DPP10: variants seen among roughly 807,000 people sequenced by gnomAD.
DPP10 encodes inactive dipeptidyl peptidase 10.
Under a neutral mutation model 120.9 loss-of-function variants are expected in DPP10, and 33 were observed. The ratio of observed to expected loss-of-function variants is 0.27; its 90% CI spans 0.21 to 0.37. DPP10 has a LOEUF of 0.37. DPP10 is among the 10% of genes least tolerant of loss of function. The probability of loss-of-function intolerance (pLI) is 1.00; values close to 1 mark genes in which losing one functional copy is unlikely to be tolerated. For missense variants in DPP10, 816 were observed against 942.8 expected, an observed-to-expected ratio of 0.87 and a Z score of 1.76; for synonymous variants, 337 against 326.1, an observed-to-expected ratio of 1.03 and a Z score of -0.36.
intron 1 of DPP10, among the ~76,000 whole-genome samples, chr2:114,971,386 G>T (rs967373217): frequency 1.3e-5 from 2 of 151,940 alleles, no homozygotes; most frequent in Non-Finnish European, 2.9e-5. Flanking sequence ...CCCCAGAAAA[G>T]GGTTTTTTTA....
chr2:115,672,302 G>T (rs542542765), intron 5 of DPP10, among the ~76,000 whole-genome samples: 3 of 151,988 alleles, frequency 2.0e-5, no homozygotes, highest in Non-Finnish European at 2.9e-5. Flanking sequence ...TTCATTAGCA[G>T]ACACACTTGT....
At chr2:114,826,678 A>T (rs1051060787) in intron 1 of DPP10, among the ~76,000 whole-genome samples, 8 of 152,030 alleles carry the variant, frequency 5.3e-5, no homozygotes, top group Non-Finnish European at 8.8e-5. Context: ...TTACAGGAGC[A>T]TAACCCCATG....
chr2:114,784,896 C>A (rs1163750692), intron 1 of DPP10, among the ~76,000 whole-genome samples: 1 of 152,230 alleles, frequency 6.6e-6, no homozygotes, highest in Non-Finnish European at 1.5e-5. Flanking sequence ...TCACATTACT[C>A]TTCTCTGCCC....
intron 1 of DPP10, among the ~76,000 whole-genome samples, chr2:114,445,534 CTGTGTGTGTGTGTGTGTGTG>C (rs145248880): frequency 4.9e-5 from 7 of 143,518 alleles, no homozygotes; most frequent in South Asian, 4.7e-4. Context: ...AAAAACAGCT[CTGTGTGTGTGTGTGTGTGTG>C]TGTGTGTGTG....
intron 5 of DPP10, among the ~76,000 whole-genome samples, chr2:115,660,224 C>G (rs925509536): frequency 3.3e-5 from 5 of 152,170 alleles, no homozygotes; most frequent in African/African-American, 1.2e-4. Context: ...GACATAAACT[C>G]CAACTATGGT....
chr2:115,302,670 C>T (rs962026084), intron 1 of DPP10, among the ~76,000 whole-genome samples: 12 of 152,130 alleles, frequency 7.9e-5, no homozygotes, highest in Admixed American at 5.2e-4. Flanking sequence ...AAGACACTTG[C>T]TTGGCATTTC....
chr2:115,680,290 AATATTT>A (rs2090561198), intron 5 of DPP10, among the ~76,000 whole-genome samples: 1 of 152,150 alleles, frequency 6.6e-6, no homozygotes, highest in East Asian at 1.9e-4. Flanking sequence ...TTAAGTAGTC[AATATTT>A]AGAGTGTGTA....
At chr2:114,565,630 G>A (rs1289571047) in intron 1 of DPP10, among the ~76,000 whole-genome samples, 3 of 152,206 alleles carry the variant, frequency 2.0e-5, no homozygotes, top group Non-Finnish European at 2.9e-5. Context: ...GGCACACAGC[G>A]CAGCATACTT....
At chr2:115,036,902 G>A (rs981564965) in intron 1 of DPP10, among the ~76,000 whole-genome samples, 2 of 152,210 alleles carry the variant, frequency 1.3e-5, no homozygotes, top group East Asian at 1.9e-4. Flanking sequence ...TGCAAGATAC[G>A]AATCATCTCT....
chr2:114,524,325 T>G (rs527598658), intron 1 of DPP10, among the ~76,000 whole-genome samples: 1 of 152,320 alleles, frequency 6.6e-6, no homozygotes, highest in African/African-American at 2.4e-5. Context: ...ATCTTAGTAG[T>G]TATTAAAGCA....
chr2:114,851,864 G>A (rs898680986), intron 1 of DPP10, among the ~76,000 whole-genome samples: 2 of 152,116 alleles, frequency 1.3e-5, no homozygotes, highest in Non-Finnish European at 2.9e-5. Flanking sequence ...AATGTCATCT[G>A]CACAATTCTG....
At chr2:115,070,637 A>G (rs1707289131) in intron 1 of DPP10, among the ~76,000 whole-genome samples, 2 of 152,324 alleles carry the variant, frequency 1.3e-5, no homozygotes, top group Admixed American at 1.3e-4. Context: ...AAACAGCCAT[A>G]TGATTATAGT....
intron 3 of DPP10, among the ~76,000 whole-genome samples, chr2:115,428,221 G>A (rs552697600): frequency 1.3e-5 from 2 of 152,186 alleles, no homozygotes; most frequent in Admixed American, 6.5e-5. Flanking sequence ...TCATCTTCCT[G>A]TCTTCTTCTG....
rs1038564075 is a variant in DPP10, at chr2:114,713,285, G to A, written c.60+270447G>A. Among the ~76,000 whole-genome samples, 4 of 152,030 alleles carry A rather than the reference G, an allele frequency of 2.6e-5. No homozygotes were observed. In the South Asian group the frequency reaches 8.3e-4, roughly 32 times the overall value. On this transcript the variant is annotated intron_variant, in intron 1 of 25. Coordinates refer to ENST00000410059, the MANE Select transcript of DPP10 (RefSeq NM_020868.6). ...TTACAGGCGTGAGCCACCGTACCCC[G>A]CCTAATTTTGTAATAAAATTCTGAC...
intron 14 of DPP10, 49 bp from the exon 15 acceptor site, chr2:115,777,737 CA>C (rs750212998): frequency 1.3e-6 from 2 of 1,589,496 alleles, no homozygotes; most frequent in East Asian, 4.5e-5. Context: ...TCACAGATCA[CA>C]AAAAATAGAT....
intron 1 of DPP10, among the ~76,000 whole-genome samples, chr2:115,184,764 G>C (rs993519623): frequency 1.3e-5 from 2 of 152,116 alleles, no homozygotes; most frequent in Non-Finnish European, 2.9e-5. Context: ...ACATATTGTC[G>C]GGATCTCTGA....
intron 1 of DPP10, among the ~76,000 whole-genome samples, chr2:115,063,077 A>G (rs903858848): frequency 2.0e-5 from 3 of 151,948 alleles, no homozygotes; most frequent in African/African-American, 7.3e-5. Flanking sequence ...TTTAATAATC[A>G]CTATTTTGAC....
intron 1 of DPP10, among the ~76,000 whole-genome samples, chr2:115,185,327 G>C (rs2054360082): frequency 6.6e-6 from 1 of 151,426 alleles, no homozygotes; most frequent in Admixed American, 6.6e-5. Context: ...GTTGGAAGCT[G>C]AACTGCATCA....
chr2:115,068,226 TG>T (rs1168446671), intron 1 of DPP10, among the ~76,000 whole-genome samples: 2 of 152,062 alleles, frequency 1.3e-5, no homozygotes, highest in African/African-American at 4.8e-5. Flanking sequence ...TCACCAACAC[TG>T]ATTATCTTTT....
Sources: gnomAD v4.1 joint callset for allele counts (sites outside exome capture counted in the v4.1 genomes callset) on GRCh38, gnomAD v4.1.1 for gene constraint, MANE v1.5 for transcripts, NCBI Gene and HGNC (gene_info 2026-07-23, HGNC 2026-07-21) for gene names.